ZFP69: variants seen among roughly 807,000 people sequenced by gnomAD.
The protein encoded by ZFP69 is ZFP69 zinc finger protein.
Under a neutral mutation model 48.9 loss-of-function variants are expected in ZFP69, and 35 were observed. The ratio of observed to expected loss-of-function variants is 0.72; its 90% CI spans 0.55 to 0.95. ZFP69 has a LOEUF of 0.95. Among genes scored for constraint, ZFP69 ranks in the 40% least tolerant of loss-of-function variants. ZFP69 has a pLI of 0.00. For missense variants in ZFP69, 557 were observed against 638.4 expected (o/e 0.87, Z 1.37); for synonymous variants, 193 against 216.8 (o/e 0.89, Z 0.96).
intron 3 of ZFP69, among the ~76,000 whole-genome samples, chr1:40,485,763 CT>C (rs1645489829): frequency 6.6e-6 from 1 of 152,104 alleles, no homozygotes. Context: ...AGGTTGACTG[CT>C]TTTTCTTTAA....
intron 3 of ZFP69, among the ~76,000 whole-genome samples, chr1:40,483,689 T>G (rs1490842076): frequency 2.0e-5 from 3 of 152,222 alleles, no homozygotes; most frequent in Non-Finnish European, 4.4e-5. Context: ...TCGTTACTTC[T>G]TCCATATTAC....
At chr1:40,486,012 T>C (rs1205402049) in intron 3 of ZFP69, among the ~76,000 whole-genome samples, 1 of 152,194 alleles carries the variant, frequency 6.6e-6, no homozygotes, top group Non-Finnish European at 1.5e-5. Flanking sequence ...CAAGCAATCC[T>C]CTCACATCAG....
chr1:40,489,362 T>G, intron 4 of ZFP69, 148 bp downstream of exon 4: 1 of 1,238,446 alleles, frequency 8.1e-7, no homozygotes, highest in African/African-American at 1.5e-5. Flanking sequence ...TGAGGGCATA[T>G]CCAATTTGAC....
chr1:40,490,235 C>T (rs764988463), intron 5 of ZFP69, among the ~76,000 whole-genome samples: 4 of 152,122 alleles, frequency 2.6e-5, no homozygotes, highest in African/African-American at 9.7e-5. Flanking sequence ...ATGGGGAGGA[C>T]ACTCATTCAT....
chr1:40,478,705 C>T (rs1645414065), intron 1 of ZFP69, among the ~76,000 whole-genome samples: 1 of 152,172 alleles, frequency 6.6e-6, no homozygotes, highest in South Asian at 2.1e-4. Context: ...CTATAGAATA[C>T]AATTATTATC....
intron 5 of ZFP69, among the ~76,000 whole-genome samples, chr1:40,494,015 TAC>T (rs1207066121): frequency 6.6e-6 from 1 of 151,994 alleles, no homozygotes. Context: ...TATATATATA[TAC>T]ACACACACAA....
chr1:40,477,587 T>G lies in ZFP69; in HGVS notation c.-634T>G, dbSNP rs987692030. ...ATTCCGGCCCTCAAAGCCTCGCTCC[T>G]GGGGGCGCTGCTGGGAAAGCCCACC... On this transcript the variant is annotated 5_prime_UTR_variant, in exon 1 of 6. Transcript: ENST00000372706. This position sits in a 1 kb window ranked among gnomAD's most constrained non-coding sequence, Gnocchi z 4.0. The G allele has an allele frequency of 1.3e-5, 2 of 152,212 alleles. No individual in the cohort carries two copies. The highest frequency in any genetic ancestry group is 4.8e-5 in the African/African-American group (2 of 41,456). 9.4% of individuals were successfully genotyped at this position (152,212 alleles called of 1,614,324 possible).
intron 3 of ZFP69, among the ~76,000 whole-genome samples, chr1:40,482,461 G>T (rs1570017805): frequency 6.6e-6 from 1 of 152,064 alleles, no homozygotes; most frequent in African/African-American, 2.4e-5. Flanking sequence ...GAGATGAAAT[G>T]GAAGGAAAAT....
chr1:40,489,709 T>C lies in ZFP69; in HGVS notation c.442+85T>C, dbSNP rs974333570. The C allele has an allele frequency of 8.3e-6, 8 of 965,566 alleles. No homozygotes were observed. In the African/African-American group the frequency reaches 1.2e-4, roughly 14 times the overall value. The allele number at this position is 965,566 out of a possible 1,614,324, so 59.8% of individuals were successfully genotyped here. A position where few individuals can be genotyped will look rare whatever the true frequency, so the allele number is the denominator to read the frequency against. On this transcript the variant is annotated intron_variant, in intron 5 of 5. Transcript: ENST00000372706. ...TAATTTATAAAGAAAAGAAGTTTAA[T>C]TGGCTAATGATTCTGCAGGCTGTAC...
chr1:40,492,009 T>C (rs1220085832), intron 5 of ZFP69, among the ~76,000 whole-genome samples: 1 of 152,100 alleles, frequency 6.6e-6, no homozygotes, highest in Non-Finnish European at 1.5e-5. Context: ...CTTTTATGCC[T>C]TATTATTCTT....
chr1:40,485,193 A>G (rs1473035887), intron 3 of ZFP69, among the ~76,000 whole-genome samples: 2 of 151,852 alleles, frequency 1.3e-5, no homozygotes, highest in Non-Finnish European at 2.9e-5. Context: ...GAGTCTGGCC[A>G]GTTCTTTATT....
intron 5 of ZFP69, among the ~76,000 whole-genome samples, chr1:40,491,785 G>GTGTATA (rs1553129570): frequency 2.2e-4 from 33 of 148,842 alleles, no homozygotes; most frequent in East Asian, 2.2e-3. Flanking sequence ...GTGTGTGTGT[G>GTGTATA]TATATATATA....
intron 1 of ZFP69, among the ~76,000 whole-genome samples, 170 bp downstream of exon 1, chr1:40,478,064 G>C (rs968416653): frequency 4.0e-5 from 6 of 151,732 alleles, no homozygotes; most frequent in African/African-American, 1.5e-4. Flanking sequence ...TCAGGGGTGG[G>C]ATATTTCTCA....
intron 3 of ZFP69, among the ~76,000 whole-genome samples, chr1:40,488,691 T>C (rs1645531030): frequency 6.6e-6 from 1 of 152,230 alleles, no homozygotes; most frequent in Non-Finnish European, 1.5e-5. Context: ...CAGATTTCCA[T>C]GTGGTTCTTC....
Position 40,495,924 on chromosome 1 carries a change from T to C in ZFP69, c.1446T>C (p.Phe482=), listed in dbSNP as rs1466718921. The change falls in exon 6 of 6, where the codon TTT becomes TTC. Residue 482 remains phenylalanine, a synonymous_variant. Coordinates refer to ENST00000372706, the MANE Select transcript of ZFP69 (RefSeq NM_001320179.2). ...AAGCCTATAGGCATGATTCATCCTTTAAAAAACATCAGAGACATCACACTG... is the reference window on the plus strand; with the variant it reads ...AAGCCTATAGGCATGATTCATCCTTCAAAAAACATCAGAGACATCACACTG... ...CGKAYRHDSS[F]KKHQRHHTGE... is the part of the protein sequence containing the mutation. 6 of 1,614,014 alleles carry C rather than the reference T, an allele frequency of 3.7e-6. No individual in the cohort carries two copies. Among genetic ancestry groups the C allele is most frequent in the Non-Finnish European group, 5.1e-6 (6 of 1,180,036 alleles).
chr1:40,483,226 A>ATTTTTTTTTTTTTTTTTTTT lies in ZFP69; in HGVS notation c.219+1373_219+1392dup, dbSNP rs56706952. The stretch of plus-strand genomic sequence containing the variant: ...AAAATCAAACCATACACCTTTTTTA[A>ATTTTTTTTTTTTTTTTTTTT]TTTTTTTTTTTTTTTTTTTTAGAGA... On this transcript the variant is annotated intron_variant, in intron 3 of 5. Coordinates refer to ENST00000372706, the MANE Select transcript of ZFP69 (RefSeq NM_001320179.2). Among the ~76,000 whole-genome samples, 214 of 116,916 alleles carry ATTTTTTTTTTTTTTTTTTTT rather than the reference A, an allele frequency of 1.8e-3. 7 individuals are homozygous for ATTTTTTTTTTTTTTTTTTTT. The highest frequency in any genetic ancestry group is 2.3e-3 in the East Asian group (8 of 3,468). 76.7% of individuals were successfully genotyped at this position (116,916 alleles called of 152,430 possible).
chr1:40,482,188 C>A (rs917626724), intron 3 of ZFP69, among the ~76,000 whole-genome samples: 10 of 151,854 alleles, frequency 6.6e-5, no homozygotes, highest in African/African-American at 2.4e-4. Context: ...TAAGAGAAAT[C>A]TCAATGAAAT....
intron 1 of ZFP69, among the ~76,000 whole-genome samples, chr1:40,478,244 A>G (rs1457041241): frequency 6.6e-6 from 1 of 152,152 alleles, no homozygotes; most frequent in East Asian, 1.9e-4. Flanking sequence ...GGAGTGCCGT[A>G]TACTTTGGAC....
At chr1:40,487,813 G>A (rs1042968009) in intron 3 of ZFP69, among the ~76,000 whole-genome samples, 1 of 151,356 alleles carries the variant, frequency 6.6e-6, no homozygotes, top group African/African-American at 2.4e-5. Context: ...TCAGGAGGCT[G>A]AGGTGGGCGA....
Sources: gnomAD v4.1 joint callset for allele counts (sites outside exome capture counted in the v4.1 genomes callset) on GRCh38, gnomAD v4.1.1 for gene constraint, Gnocchi (gnomAD v3.1) non-coding constraint, MANE v1.5 for transcripts, NCBI Gene and HGNC (gene_info 2026-07-23, HGNC 2026-07-21) for gene names.